The following TNFRSF10B variants were observed in gnomAD, a reference collection of about 807,000 sequenced individuals.
The protein encoded by TNFRSF10B is TNF receptor superfamily member 10b, also known as tumor necrosis factor receptor superfamily member 10B.
Under a neutral mutation model 41.4 loss-of-function variants are expected in TNFRSF10B, and 35 were observed. That is an observed-to-expected ratio of 0.85 (90% CI 0.65 to 1.12). The LOEUF (loss-of-function observed/expected upper bound fraction) is 1.12. Among genes scored for constraint, TNFRSF10B ranks in the 50% most tolerant of loss-of-function variants. TNFRSF10B has a pLI of 0.00. For synonymous variants in TNFRSF10B, 230 were observed against 215.5 expected (o/e 1.07, Z -0.59); for missense variants, 584 against 552.7 (o/e 1.06, Z -0.57).
At chr8:23,066,245 T>C (rs2128822442) in intron 1 of TNFRSF10B, among the ~76,000 whole-genome samples, 1 of 152,268 alleles carries the variant, frequency 6.6e-6, no homozygotes, top group Non-Finnish European at 1.5e-5. Context: ...ACTGTGCCAC[T>C]GCACTCCAGC....
intron 1 of TNFRSF10B, among the ~76,000 whole-genome samples, chr8:23,062,858 T>C (rs1279342426): frequency 6.6e-6 from 1 of 152,222 alleles, no homozygotes; most frequent in Non-Finnish European, 1.5e-5. Flanking sequence ...GTAGGAGACT[T>C]GAAATAATAC....
intron 1 of TNFRSF10B, among the ~76,000 whole-genome samples, chr8:23,051,207 A>G (rs1048820813): frequency 3.3e-5 from 5 of 152,252 alleles, no homozygotes; most frequent in African/African-American, 1.2e-4. Flanking sequence ...AGAAAAAAGC[A>G]CTTGAATAAC....
intron 1 of TNFRSF10B, among the ~76,000 whole-genome samples, chr8:23,060,528 T>C (rs1197336502): frequency 6.6e-6 from 1 of 152,220 alleles, no homozygotes; most frequent in Non-Finnish European, 1.5e-5. Flanking sequence ...TACCATCCTG[T>C]TTTGATTACT....
At chr8:23,065,778 A>G (rs1186165757) in intron 1 of TNFRSF10B, among the ~76,000 whole-genome samples, 1 of 152,156 alleles carries the variant, frequency 6.6e-6, no homozygotes, top group Non-Finnish European at 1.5e-5. Context: ...GGTACCCAAG[A>G]AAGCAAAATT....
intron 1 of TNFRSF10B, among the ~76,000 whole-genome samples, chr8:23,047,990 G>A (rs1365148421): frequency 6.6e-6 from 1 of 152,054 alleles, no homozygotes; most frequent in African/African-American, 2.4e-5. Context: ...AAGAAAATGT[G>A]GTATGTAGAC....
intron 1 of TNFRSF10B, among the ~76,000 whole-genome samples, chr8:23,066,694 C>T (rs1430607024): frequency 2.0e-5 from 3 of 151,246 alleles, no homozygotes; most frequent in African/African-American, 7.3e-5. Flanking sequence ...GATCACGAGC[C>T]AGACCATCCT....
Position 23,068,907 on chromosome 8 carries a change from C to A in TNFRSF10B, c.-13G>T. ...CCCGTTGTTCCATGGCGGTAGGGAA[C>A]GCTCTTATAGTCTCTCAGGCCCGTG... is the stretch of plus-strand genomic sequence containing the variant. On this transcript the variant is annotated 5_prime_UTR_variant, in exon 1 of 9. Transcript: ENST00000276431. The A allele has an allele frequency of 6.2e-7, 1 of 1,613,372 alleles. No individual in the cohort carries two copies. Among genetic ancestry groups the A allele is most frequent in the Non-Finnish European group, 8.5e-7 (1 of 1,179,950 alleles).
At chr8:23,028,206 GA>G in intron 5 of TNFRSF10B, 124 bp downstream of exon 5, 1 of 1,334,512 alleles carries the variant, frequency 7.5e-7, no homozygotes, top group South Asian at 1.2e-5. Flanking sequence ...CCACGAGGAG[GA>G]GGATAGAGCC....
At chr8:23,027,651 C>T (rs1281569407) in intron 6 of TNFRSF10B, 71 bp downstream of exon 6, 3 of 1,607,212 alleles carry the variant, frequency 1.9e-6, no homozygotes, top group Admixed American at 3.3e-5. Context: ...GACCCACCCA[C>T]CCAGGTTCTG....
intron 1 of TNFRSF10B, among the ~76,000 whole-genome samples, chr8:23,047,544 C>T (rs990647795): frequency 5.3e-5 from 8 of 151,332 alleles, no homozygotes; most frequent in Non-Finnish European, 8.8e-5. Context: ...GGCAAGGGAC[C>T]TGAGTAGACA....
At chr8:23,025,064 T>C (rs1300295407) in intron 7 of TNFRSF10B, among the ~76,000 whole-genome samples, 2 of 152,202 alleles carry the variant, frequency 1.3e-5, no homozygotes, top group East Asian at 3.9e-4. Context: ...AAGTCCGAGC[T>C]TACTTGGCCT....
At chr8:23,055,523 A>T (rs78337291) in intron 1 of TNFRSF10B, among the ~76,000 whole-genome samples, 11 of 84,864 alleles carry the variant, frequency 1.3e-4, no homozygotes, top group African/African-American at 3.1e-4. Context: ...TAAATGCTTA[A>T]AAAAAAAAAA....
chr8:23,020,822 C>T lies in TNFRSF10B; in HGVS notation c.*1849G>A, dbSNP rs1451756810. ...GACTGGCACCTTCTGAGCCCTGAGG[C>T]TGAGCGTCCTGCACAGAAGGCCCAG... On this transcript the variant is annotated 3_prime_UTR_variant, in exon 9 of 9. Coordinates refer to ENST00000276431, the MANE Select transcript of TNFRSF10B (RefSeq NM_003842.5). The T allele has an allele frequency of 2.2e-6, 1 of 454,140 alleles. No individual in the cohort carries two copies. Among genetic ancestry groups the T allele is most frequent in the African/African-American group, 2.0e-5 (1 of 50,138 alleles). 28.1% of individuals were successfully genotyped at this position (454,140 alleles called of 1,614,324 possible). A position where few individuals can be genotyped will look rare whatever the true frequency, so the allele number is the denominator to read the frequency against.
At chr8:23,027,450 G>T in intron 6 of TNFRSF10B, 162 bp from the exon 7 acceptor site, 3 of 919,788 alleles carry the variant, frequency 3.3e-6, no homozygotes, top group Non-Finnish European at 5.0e-6. Flanking sequence ...CGCTGCTGGG[G>T]CCAGGCCCCC....
chr8:23,057,808 C>CT (rs942925475), intron 1 of TNFRSF10B, among the ~76,000 whole-genome samples: 4 of 152,176 alleles, frequency 2.6e-5, no homozygotes, highest in African/African-American at 9.7e-5. Flanking sequence ...ACAAAGGTCC[C>CT]TTTTCATGTC....
chr8:23,055,602 T>C (rs1160411628), intron 1 of TNFRSF10B, among the ~76,000 whole-genome samples: 1 of 151,274 alleles, frequency 6.6e-6, no homozygotes, highest in Non-Finnish European at 1.5e-5. Flanking sequence ...TGCTTAGGCC[T>C]TTCCTGGGCC....
intron 1 of TNFRSF10B, among the ~76,000 whole-genome samples, chr8:23,045,564 G>A (rs1812333416): frequency 6.6e-6 from 1 of 152,030 alleles, no homozygotes; most frequent in Middle Eastern, 3.2e-3. Context: ...TACAGAGGAG[G>A]GACTACTTCC....
rs771911409 is a variant in TNFRSF10B at position 23,030,800 on chromosome 8, T to G, written c.323A>C (p.Asn108Thr). Reference protein sequence around the residue: ...KYGQDYSTHWNDLLFCLRCTR... With the variant: ...KYGQDYSTHWTDLLFCLRCTR... Reference sequence around the variant, plus strand: ...GCAGCGCAAGCAGAAAAGGAGGTCATTCCAGTGAGTGCTATAGTCCTGTCC... The same window carrying G: ...GCAGCGCAAGCAGAAAAGGAGGTCAGTCCAGTGAGTGCTATAGTCCTGTCC... The change falls in exon 3 of 9, where the codon AAT (asparagine) becomes ACT (threonine). Residue 108 changes from asparagine (N) to threonine (T), a missense_variant. By Grantham distance (65) the Asn-to-Thr change is moderately conservative. Coordinates refer to ENST00000276431, the MANE Select transcript of TNFRSF10B (RefSeq NM_003842.5). The G allele has an allele frequency of 6.8e-6, 11 of 1,613,290 alleles. No homozygotes were observed. In the Middle Eastern group the frequency reaches 6.7e-4, roughly 98 times the overall value.
Position 23,027,264 on chromosome 8 carries a change from C to G in TNFRSF10B, c.805G>C (p.Asp269His), listed in dbSNP as rs1360433797. The change falls in exon 7 of 9, where the codon GAC (aspartate) becomes CAC (histidine). Residue 269 changes from aspartate (D) to histidine (H), a missense_variant. Coordinates refer to ENST00000276431, the MANE Select transcript of TNFRSF10B (RefSeq NM_003842.5). ...CTCACGATCTCATTGAGGACATTGTCCTCAGCCCCAGGTCGTTGTGAGCTC... is the reference window on the plus strand; with the variant it reads ...CTCACGATCTCATTGAGGACATTGTGCTCAGCCCCAGGTCGTTGTGAGCTC... ...DRSSQRPGAE[D>H]NVLNEIVSIL... The G allele has an allele frequency of 2.4e-5, 39 of 1,614,038 alleles. No homozygotes were observed. Among genetic ancestry groups the G allele is most frequent in the Non-Finnish European group, 2.9e-5 (34 of 1,180,034 alleles).
Sources: gnomAD v4.1 joint callset for allele counts (sites outside exome capture counted in the v4.1 genomes callset) on GRCh38, gnomAD v4.1.1 for gene constraint, MANE v1.5 for transcripts, NCBI Gene and HGNC (gene_info 2026-07-23, HGNC 2026-07-21) for gene names.